The following CNNM2 variants were observed in gnomAD, a reference collection of about 807,000 sequenced individuals.
The protein encoded by CNNM2 is cyclin and CBS domain divalent metal cation transport mediator 2.
A neutral mutation model predicts 66.9 loss-of-function variants in CNNM2; 12 were observed. The ratio of observed to expected loss-of-function variants is 0.18; its 90% CI spans 0.11 to 0.29. CNNM2 has a LOEUF of 0.29. Among genes scored for constraint, CNNM2 ranks in the 10% least tolerant of loss-of-function variants. The pLI is 1.00. For synonymous variants in CNNM2, 557 were observed against 501.8 expected (o/e 1.11, Z -1.47); for missense variants, 705 against 1,167.7 (o/e 0.60, Z 5.77).
Position 102,936,456 on chromosome 10 carries a change from A to C in CNNM2, c.1621+16355A>C, listed in dbSNP as rs140290785. ...CATTGCTTTTCATCTTGCTATCATC[A>C]GTCTGATCCTTGAGGGTTTGGGGTT... is the stretch of plus-strand genomic sequence containing the variant. On this transcript the variant is annotated intron_variant, in intron 1 of 7. Coordinates refer to ENST00000369878, the MANE Select transcript of CNNM2 (RefSeq NM_017649.5). Among the ~76,000 whole-genome samples, 260 of 151,396 alleles carry C rather than the reference A, an allele frequency of 1.7e-3. 1 individual carries two copies. Among genetic ancestry groups the C allele is most frequent in the African/African-American group, 5.8e-3 (241 of 41,230 alleles).
At chr10:102,992,864 A>T (rs2063923266) in intron 1 of CNNM2, among the ~76,000 whole-genome samples, 1 of 152,178 alleles carries the variant, frequency 6.6e-6, no homozygotes, top group South Asian at 2.1e-4. Context: ...CTAGAAAATG[A>T]AGGTCATAAT....
intron 6 of CNNM2, among the ~76,000 whole-genome samples, chr10:103,072,169 T>C (rs1314066415): frequency 6.6e-6 from 1 of 152,164 alleles, no homozygotes; most frequent in East Asian, 1.9e-4. Context: ...GGGACTGTTC[T>C]TGGTTCTTAT....
chr10:103,081,443 T>A lies in CNNM2; in HGVS notation c.*4263T>A, dbSNP rs1484534028. ...TTTAGTAGGGATATAGGGGTTTGAA[T>A]AGGAAAGTGATCTGGGGATTCAGAA... On this transcript the variant is annotated 3_prime_UTR_variant, in exon 8 of 8. Transcript: ENST00000369878. 1.3e-5 allele frequency: 2 copies of A among 152,212 alleles called. No individual in the cohort carries two copies. The highest frequency in any genetic ancestry group is 4.8e-5 in the African/African-American group (2 of 41,438). 9.4% of individuals were successfully genotyped at this position (152,212 alleles called of 1,614,324 possible). A position where few individuals can be genotyped will look rare whatever the true frequency, so the allele number is the denominator to read the frequency against.
intron 1 of CNNM2, among the ~76,000 whole-genome samples, chr10:103,009,952 T>TC (rs761398284): frequency 1.7e-4 from 25 of 146,652 alleles, no homozygotes; most frequent in Non-Finnish European, 2.3e-4. Flanking sequence ...TTTTTTTTTT[T>TC]CACAATTAGA....
intron 1 of CNNM2, among the ~76,000 whole-genome samples, chr10:103,004,085 A>ACCCCCG (rs1468440508): frequency 2.1e-5 from 1 of 48,312 alleles, no homozygotes; most frequent in Non-Finnish European, 3.9e-5. Flanking sequence ...CTCTGCCCCC[A>ACCCCCG]CCCCCGCCCC....
At chr10:103,059,392 G>A in intron 4 of CNNM2, among the ~76,000 whole-genome samples, 1 of 152,278 alleles carries the variant, frequency 6.6e-6, no homozygotes, top group South Asian at 2.1e-4. Context: ...GTAATTGATA[G>A]GAATATAATT....
Position 102,919,657 on chromosome 10 carries a change from G to T in CNNM2, c.1177G>T (p.Val393Phe). The T allele has an allele frequency of 6.2e-7, 1 of 1,614,146 alleles. No individual in the cohort carries two copies. Among genetic ancestry groups the T allele is most frequent in the Non-Finnish European group, 8.5e-7 (1 of 1,180,040 alleles). The change falls in exon 1 of 8, where the codon GTC becomes TTC. Residue 393 changes from valine to phenylalanine, a missense_variant. Val to Phe is a conservative substitution (Grantham distance 50). Around this residue, in one of 9 missense-constraint regions of CNNM2, gnomAD observed 27 missense variants for 40.7 expected, o/e 0.66. Coordinates refer to ENST00000369878, the MANE Select transcript of CNNM2 (RefSeq NM_017649.5). Reference protein sequence around the residue: ...MMMTFPASYPVSKLLDCVLGQ... With the variant: ...MMMTFPASYPFSKLLDCVLGQ... ...GATGACCTTCCCCGCTTCCTACCCG[G>T]TCAGCAAGCTGCTGGACTGCGTCCT...
intron 1 of CNNM2, among the ~76,000 whole-genome samples, chr10:103,006,809 C>T (rs900898436): frequency 1.3e-5 from 2 of 151,778 alleles, no homozygotes; most frequent in Non-Finnish European, 2.9e-5. Context: ...TTTATTTATT[C>T]ATTTATAGTG....
chr10:103,035,899 C>T (rs1181648534), intron 1 of CNNM2, among the ~76,000 whole-genome samples: 1 of 152,192 alleles, frequency 6.6e-6, no homozygotes, highest in Non-Finnish European at 1.5e-5. Flanking sequence ...ACTTTACTTT[C>T]TGTGTCTGCT....
rs1564876058 is a variant in CNNM2 at position 103,081,217 on chromosome 10, CT to C, written c.*4041del. 3 of 152,368 alleles carry C rather than the reference CT, an allele frequency of 2.0e-5. No homozygotes were observed. In the South Asian group the frequency reaches 6.2e-4, roughly 32 times the overall value. The allele number at this position is 152,368 out of a possible 1,614,324, so 9.4% of individuals were successfully genotyped here. ...CTCTGCTTTTGAGCCCAGATATGGGCTTTTCTTTGCAAAGGGTTGAGGAGAA... is the reference window on the plus strand; with the variant it reads ...CTCTGCTTTTGAGCCCAGATATGGGCTTTCTTTGCAAAGGGTTGAGGAGAA... On this transcript the variant is annotated 3_prime_UTR_variant, in exon 8 of 8. Coordinates refer to ENST00000369878, the MANE Select transcript of CNNM2 (RefSeq NM_017649.5).
At chr10:102,940,635 G>A (rs1162777351) in intron 1 of CNNM2, among the ~76,000 whole-genome samples, 3 of 150,920 alleles carry the variant, frequency 2.0e-5, no homozygotes, top group East Asian at 2.0e-4. Flanking sequence ...AGCCAGGATG[G>A]TCTTGATCTC....
chr10:102,990,560 T>G (rs1341747777), intron 1 of CNNM2, among the ~76,000 whole-genome samples: 2 of 152,102 alleles, frequency 1.3e-5, no homozygotes, highest in Non-Finnish European at 2.9e-5. Flanking sequence ...AGTAGGAGAA[T>G]TCTAACTTTA....
At chr10:102,939,329 A>G (rs1846346281) in intron 1 of CNNM2, among the ~76,000 whole-genome samples, 1 of 152,216 alleles carries the variant, frequency 6.6e-6, no homozygotes, top group Non-Finnish European at 1.5e-5. Flanking sequence ...AGATTTCTTC[A>G]AGAATAGCTA....
intron 4 of CNNM2, 50 bp from the exon 5 acceptor site, chr10:103,068,579 C>A: frequency 7.0e-7 from 1 of 1,423,796 alleles, no homozygotes. Flanking sequence ...CAGAGTGTGC[C>A]AGTAGGCTTT....
At chr10:102,968,632 A>G (rs2063502518) in intron 1 of CNNM2, among the ~76,000 whole-genome samples, 3 of 150,094 alleles carry the variant, frequency 2.0e-5, no homozygotes, top group Admixed American at 2.0e-4. Context: ...TCTTTGAGAC[A>G]GGGTCTTGCT....
At chr10:103,026,022 TG>T (rs1483840700) in intron 1 of CNNM2, among the ~76,000 whole-genome samples, 1 of 152,232 alleles carries the variant, frequency 6.6e-6, no homozygotes, top group East Asian at 1.9e-4. Flanking sequence ...ACTGTGAGAA[TG>T]GGCTTGTTAT....
intron 6 of CNNM2, among the ~76,000 whole-genome samples, chr10:103,074,952 A>T (rs1278029398): frequency 6.6e-6 from 1 of 152,206 alleles, no homozygotes; most frequent in East Asian, 1.9e-4. Context: ...CAGCTGCAAG[A>T]TTTATCCTAG....
chr10:102,919,855 A>G lies in CNNM2; in HGVS notation c.1375A>G (p.Ile459Val). The change falls in exon 1 of 8, where the codon ATC (isoleucine) becomes GTC (valine). Residue 459 changes from isoleucine (I) to valine (V), a missense_variant. Physicochemically the swap from Ile to Val is conservative, Grantham distance 29 (BLOSUM62 3). Around this residue, in one of 9 missense-constraint regions of CNNM2, gnomAD observed 171 missense variants for 304.8 expected, o/e 0.56. Coordinates refer to ENST00000369878, the MANE Select transcript of CNNM2 (RefSeq NM_017649.5). Reference protein sequence around the residue: ...VMTPLRDCFMITGEAILDFNT... With the variant: ...VMTPLRDCFMVTGEAILDFNT... ...GACCCCACTCCGGGACTGCTTCATG[A>G]TCACCGGCGAAGCCATCCTGGACTT... 1.9e-6 allele frequency: 3 copies of G among 1,614,182 alleles called. No individual in the cohort carries two copies. The highest frequency in any genetic ancestry group is 2.2e-5 in the South Asian group (2 of 91,084).
intron 6 of CNNM2, among the ~76,000 whole-genome samples, chr10:103,072,356 TCC>T (rs2065599227): frequency 6.6e-6 from 1 of 152,176 alleles, no homozygotes; most frequent in Admixed American, 6.5e-5. Flanking sequence ...CCTGGGTTCT[TCC>T]CACATCCGTG....
Sources: allele counts gnomAD v4.1 joint callset (sites outside exome capture counted in the v4.1 genomes callset), GRCh38; gene constraint gnomAD v4.1.1; regional missense constraint gnomAD v4.1.1; transcripts MANE v1.5; gene names NCBI Gene and HGNC (gene_info 2026-07-23, HGNC 2026-07-21).